The following NR6A1 variants were observed in gnomAD, a reference collection of about 807,000 sequenced individuals.
NR6A1 encodes the protein nuclear receptor subfamily 6 group A member 1, also known as retinoic acid receptor-related testis-associated receptor.
A neutral mutation model predicts 59.1 loss-of-function variants in NR6A1; 7 were observed. The ratio of observed to expected loss-of-function variants is 0.12; its 90% CI spans 0.07 to 0.22. NR6A1 has a LOEUF of 0.22. Ranked by LOEUF, NR6A1 falls within the 10% of genes least tolerant of loss-of-function variation. The pLI is 1.00. For synonymous variants in NR6A1, 243 were observed against 236.1 expected, an observed-to-expected ratio of 1.03 and a Z score of -0.27; for missense variants, 468 against 611.6, an observed-to-expected ratio of 0.77 and a Z score of 2.48.
At chr9:124,744,434 T>C (rs1564264306) in intron 1 of NR6A1, among the ~76,000 whole-genome samples, 3 of 152,336 alleles carry the variant, frequency 2.0e-5, no homozygotes, top group Middle Eastern at 3.4e-3. Flanking sequence ...AAACAGATCA[T>C]TGTACTCCAT....
At chr9:124,567,881 A>T (rs568607440) in intron 2 of NR6A1, among the ~76,000 whole-genome samples, 118 of 149,596 alleles carry the variant, frequency 7.9e-4, no homozygotes, top group Non-Finnish European at 1.5e-3. Context: ...TACGCATTTA[A>T]AAAAGAGAAA....
chr9:124,552,137 C>T (rs891024471), intron 3 of NR6A1, among the ~76,000 whole-genome samples: 5 of 152,142 alleles, frequency 3.3e-5, no homozygotes, highest in African/African-American at 1.2e-4. Context: ...GCTGAACAAG[C>T]AGGATGATTC....
At chr9:124,751,290 T>C (rs2131173474) in intron 1 of NR6A1, among the ~76,000 whole-genome samples, 1 of 152,300 alleles carries the variant, frequency 6.6e-6, no homozygotes. Context: ...AAGAAATCAG[T>C]TGAGACCAAA....
chr9:124,543,925 G>C (rs1438066546), intron 3 of NR6A1, 68 bp from the exon 4 acceptor site: 1 of 1,390,418 alleles, frequency 7.2e-7, no homozygotes, highest in African/African-American at 1.4e-5. Context: ...CACAAAAAGA[G>C]AGTTTACTTG....
At chr9:124,624,099 C>T (rs978090100) in intron 2 of NR6A1, among the ~76,000 whole-genome samples, 1 of 152,124 alleles carries the variant, frequency 6.6e-6, no homozygotes, top group Admixed American at 6.5e-5. Context: ...CCAGGAATGT[C>T]GGAGTACTAC....
At chr9:124,750,205 A>G (rs1330979597) in intron 1 of NR6A1, among the ~76,000 whole-genome samples, 1 of 152,196 alleles carries the variant, frequency 6.6e-6, no homozygotes, top group Non-Finnish European at 1.5e-5. Context: ...TCTTGTATCA[A>G]ATAGTATTTA....
chr9:124,574,364 G>C (rs1304787558), intron 2 of NR6A1, among the ~76,000 whole-genome samples: 1 of 152,124 alleles, frequency 6.6e-6, no homozygotes, highest in Non-Finnish European at 1.5e-5. Flanking sequence ...ATTAGATGAG[G>C]AGTAAGAATT....
intron 2 of NR6A1, among the ~76,000 whole-genome samples, chr9:124,687,295 T>TTAATTAA (rs571265880): frequency 5.0e-4 from 26 of 51,822 alleles, no homozygotes; most frequent in African/African-American, 2.2e-3. Flanking sequence ...TAATTAATTA[T>TTAATTAA]TTATTTATTT....
At chr9:124,551,256 G>A (rs1330195237) in intron 3 of NR6A1, among the ~76,000 whole-genome samples, 2 of 152,214 alleles carry the variant, frequency 1.3e-5, no homozygotes, top group East Asian at 3.9e-4. Context: ...CTAGAGCTTG[G>A]AAATATACAT....
chr9:124,769,286 C>T (rs186234268), intron 1 of NR6A1, among the ~76,000 whole-genome samples: 4 of 150,762 alleles, frequency 2.7e-5, no homozygotes, highest in Non-Finnish European at 5.9e-5. Flanking sequence ...GAAAACACAT[C>T]ATTATTTTTA....
intron 1 of NR6A1, among the ~76,000 whole-genome samples, chr9:124,768,836 T>C (rs1039268089): frequency 8.5e-5 from 13 of 152,228 alleles, no homozygotes; most frequent in African/African-American, 2.9e-4. Flanking sequence ...AAAGCAATAT[T>C]GCAGTAAATA....
chr9:124,591,459 G>C (rs990331766), intron 2 of NR6A1, among the ~76,000 whole-genome samples: 5 of 152,198 alleles, frequency 3.3e-5, no homozygotes, highest in Non-Finnish European at 7.3e-5. Context: ...ACGTAGCCAA[G>C]TTTTTATGAG....
chr9:124,726,025 G>A (rs1330343915), intron 2 of NR6A1, among the ~76,000 whole-genome samples: 1 of 152,094 alleles, frequency 6.6e-6, no homozygotes, highest in African/African-American at 2.4e-5. Context: ...CTTTTGATTA[G>A]TTCTTACATT....
At chr9:124,673,861 G>A (rs535369040) in intron 2 of NR6A1, among the ~76,000 whole-genome samples, 61 of 152,240 alleles carry the variant, frequency 4.0e-4, no homozygotes, top group Admixed American at 1.8e-3. Context: ...TTAAGGATGA[G>A]GAACAAGATT....
intron 5 of NR6A1, among the ~76,000 whole-genome samples, chr9:124,539,048 TA>T (rs60639675): frequency 1.0e-4 from 15 of 149,218 alleles, no homozygotes; most frequent in Non-Finnish European, 1.5e-4. Context: ...TCTCTTTTTT[TA>T]AAAAAAAAAG....
chr9:124,739,206 G>A (rs1840106865), intron 1 of NR6A1, among the ~76,000 whole-genome samples: 2 of 151,630 alleles, frequency 1.3e-5, no homozygotes, highest in African/African-American at 4.8e-5. Context: ...AAAAAAAATG[G>A]GGGCGGCGAG....
At chr9:124,737,196 AG>A (rs1391169053) in intron 1 of NR6A1, among the ~76,000 whole-genome samples, 1 of 152,216 alleles carries the variant, frequency 6.6e-6, no homozygotes, top group Non-Finnish European at 1.5e-5. Flanking sequence ...AAATCCTCCA[AG>A]GGTCACAAAG....
rs951729206 is a variant in NR6A1, at chr9:124,771,239, G to A, written c.-120C>T. ...CAGGAGCCCGCGAGCTCCCGGCCGC[G>A]GCTCTCTCTGGGCCCCGAGCCGCCC... On this transcript the variant is annotated 5_prime_UTR_variant, in exon 1 of 10. Transcript: ENST00000487099. The A allele has an allele frequency of 4.0e-6, 2 of 496,490 alleles. No homozygotes were observed. The highest frequency in any genetic ancestry group is 2.0e-5 in the African/African-American group (1 of 50,344). 30.8% of individuals were successfully genotyped at this position (496,490 alleles called of 1,614,324 possible).
chr9:124,714,389 C>T (rs550025879), intron 2 of NR6A1, among the ~76,000 whole-genome samples: 2 of 152,114 alleles, frequency 1.3e-5, no homozygotes, highest in African/African-American at 4.8e-5. Context: ...GTAAATGCTA[C>T]GTCATGTATA....
Sources: gnomAD v4.1 joint callset for allele counts (sites outside exome capture counted in the v4.1 genomes callset) on GRCh38, gnomAD v4.1.1 for gene constraint, MANE v1.5 for transcripts, NCBI Gene and HGNC (gene_info 2026-07-23, HGNC 2026-07-21) for gene names.